The following ABHD18 variants were observed in gnomAD, a reference collection of about 807,000 sequenced individuals.
The protein encoded by ABHD18 is cardiolipin-specific deacylase, mitochondrial.
Under a neutral mutation model 65.9 loss-of-function variants are expected in ABHD18, and 55 were observed. The observed-to-expected ratio is 0.84, with a 90% confidence interval of 0.67 to 1.05. ABHD18 has a LOEUF of 1.05. Among genes scored for constraint, ABHD18 ranks in the 50% least tolerant of loss-of-function variants. The pLI is 0.00. For missense variants in ABHD18, 533 were observed against 558.5 expected (o/e 0.95, Z 0.46); for synonymous variants, 181 against 180.2 (o/e 1.00, Z -0.04).
chr4:127,977,746 GCAGGA>G (rs1309069244), intron 1 of ABHD18, among the ~76,000 whole-genome samples: 145 of 152,030 alleles, frequency 9.5e-4, no homozygotes, highest in Non-Finnish European at 2.4e-4. Context: ...TACAAAACTT[GCAGGA>G]CAGAAGAAAC....
intron 3 of ABHD18, among the ~76,000 whole-genome samples, chr4:127,987,715 A>AAT (rs1750220565): frequency 2.0e-5 from 3 of 151,772 alleles, no homozygotes; most frequent in African/African-American, 4.8e-5. Flanking sequence ...TCAAAAAAAA[A>AAT]AAATAAATAA....
rs1350562263 is a variant in ABHD18 at position 128,039,340 on chromosome 4, C to A, written c.*3527C>A. On this transcript the variant is annotated 3_prime_UTR_variant, in exon 13 of 13. Coordinates refer to ENST00000645843, the MANE Select transcript of ABHD18 (RefSeq NM_001358451.3). Reference sequence around the variant, plus strand: ...ATTTTATTAGATGTACATAATGTTTCAAAAATGTTTGAATTTGAAAAGTCT... The same window carrying A: ...ATTTTATTAGATGTACATAATGTTTAAAAAATGTTTGAATTTGAAAAGTCT... 6.6e-6 allele frequency: 1 copy of A among 151,756 alleles called. No homozygotes were observed. The highest frequency in any genetic ancestry group is 1.5e-5 in the Non-Finnish European group (1 of 67,966). The allele number at this position is 151,756 out of a possible 1,614,324, so 9.4% of individuals were successfully genotyped here.
intron 1 of ABHD18, among the ~76,000 whole-genome samples, chr4:127,981,901 T>C (rs1475637434): frequency 6.6e-6 from 1 of 152,180 alleles, no homozygotes; most frequent in Non-Finnish European, 1.5e-5. Flanking sequence ...TAAATGTTTC[T>C]TCTTGGTACT....
intron 4 of ABHD18, among the ~76,000 whole-genome samples, chr4:127,994,428 T>C (rs1751414770): frequency 6.6e-6 from 1 of 152,026 alleles, no homozygotes; most frequent in Non-Finnish European, 1.5e-5. Flanking sequence ...AAATCCTATC[T>C]CTACAAAAAT....
At position 127,982,948 on chromosome 4, in the gene ABHD18, T is replaced by C; in HGVS notation, c.-8T>C. 6.6e-7 allele frequency: 1 copy of C among 1,520,016 alleles called. No individual in the cohort carries two copies. Among genetic ancestry groups the C allele is most frequent in the Non-Finnish European group, 8.8e-7 (1 of 1,133,690 alleles). 94.2% of individuals were successfully genotyped at this position (1,520,016 alleles called of 1,614,324 possible). On this transcript the variant is annotated 5_prime_UTR_variant, in exon 2 of 13. Coordinates refer to ENST00000645843, the MANE Select transcript of ABHD18 (RefSeq NM_001358451.3). Reference sequence around the variant, plus strand: ...AAATTTTGTTTTATAGATGCTTGTTTGCTACTGATGGGTGTGAGCAAGTTA... The same window carrying C: ...AAATTTTGTTTTATAGATGCTTGTTCGCTACTGATGGGTGTGAGCAAGTTA...
In ABHD18 at chr4:128,011,565, G is replaced by T. The variant is rs1754584847; in HGVS notation, c.443-108G>T. On this transcript the variant is annotated intron_variant, in intron 6 of 12. Coordinates refer to ENST00000645843, the MANE Select transcript of ABHD18 (RefSeq NM_001358451.3). ...ACAGCCTACTTAAGATAATTAGAATGGAGTTATTTCAGTATTAAATTGTGT... is the reference window on the plus strand; with the variant it reads ...ACAGCCTACTTAAGATAATTAGAATTGAGTTATTTCAGTATTAAATTGTGT... The T allele has an allele frequency of 6.0e-6, 4 of 670,366 alleles. No individual in the cohort carries two copies. In the South Asian group the frequency reaches 9.4e-5, roughly 16 times the overall value. The allele number at this position is 670,366 out of a possible 1,614,324, so 41.5% of individuals were successfully genotyped here.
rs182011327 is a variant in ABHD18 at position 128,033,778 on chromosome 4, C to T, written c.1344-1984C>T. ...GTCTCGATCTCCTGACCTCGTGATCCGCCTGTCTCGGCCTCCCAAAGTTCT... is the reference window on the plus strand; with the variant it reads ...GTCTCGATCTCCTGACCTCGTGATCTGCCTGTCTCGGCCTCCCAAAGTTCT... On this transcript the variant is annotated intron_variant, in intron 12 of 12. Coordinates refer to ENST00000645843, the MANE Select transcript of ABHD18 (RefSeq NM_001358451.3). 1.7e-3 allele frequency among the ~76,000 whole-genome samples: 255 copies of T among 151,668 alleles called. 2 individuals are homozygous for T. The highest frequency in any genetic ancestry group is 5.8e-3 in the African/African-American group (238 of 41,376).
chr4:127,989,389 T>C lies in ABHD18; in HGVS notation c.178-332T>C, dbSNP rs1053749398. The stretch of plus-strand genomic sequence containing the variant: ...ATAATAGAGTCACTATAATTAACAA[T>C]AATTTATTGTATATTTTGAAATAAG... On this transcript the variant is annotated intron_variant, in intron 3 of 12. Coordinates refer to ENST00000645843, the MANE Select transcript of ABHD18 (RefSeq NM_001358451.3). Among the ~76,000 whole-genome samples the C allele has an allele frequency of 3.3e-5, 5 of 152,284 alleles. No homozygotes were observed. In the East Asian group the frequency reaches 9.6e-4, roughly 29 times the overall value.
intron 10 of ABHD18, 126 bp from the exon 11 acceptor site, chr4:128,028,349 A>G: frequency 1.4e-6 from 1 of 707,686 alleles, no homozygotes; most frequent in South Asian, 2.8e-5. Flanking sequence ...AATTGTTTGA[A>G]TATACTACAT....
Position 128,038,859 on chromosome 4 carries a change from G to A in ABHD18, c.*3046G>A, listed in dbSNP as rs927482150. Reference sequence around the variant, plus strand: ...CGGGAGACGGAGGTTGCAGTAAGCCGAGATTGTGCCATTGCACTCCAGCCT... The same window carrying A: ...CGGGAGACGGAGGTTGCAGTAAGCCAAGATTGTGCCATTGCACTCCAGCCT... On this transcript the variant is annotated 3_prime_UTR_variant, in exon 13 of 13. Coordinates refer to ENST00000645843, the MANE Select transcript of ABHD18 (RefSeq NM_001358451.3). 54 of 152,224 alleles carry A rather than the reference G, an allele frequency of 3.5e-4. No homozygotes were observed. Among genetic ancestry groups the A allele is most frequent in the Non-Finnish European group, 6.9e-4 (47 of 68,054 alleles). 9.4% of individuals were successfully genotyped at this position (152,224 alleles called of 1,614,324 possible).
intron 9 of ABHD18, 74 bp downstream of exon 9, chr4:128,020,243 C>A: frequency 9.6e-7 from 1 of 1,042,010 alleles, no homozygotes. Flanking sequence ...TCCCCAAAAC[C>A]ACCCTCAGCT....
At chr4:128,014,986 A>C (rs1755234426) in intron 7 of ABHD18, among the ~76,000 whole-genome samples, 1 of 151,930 alleles carries the variant, frequency 6.6e-6, no homozygotes, top group Non-Finnish European at 1.5e-5. Flanking sequence ...CTGAGGCAGG[A>C]GAATCGCTTG....
At chr4:128,033,959 C>CTTTTT (rs996416880) in intron 12 of ABHD18, among the ~76,000 whole-genome samples, 2 of 123,436 alleles carry the variant, frequency 1.6e-5, no homozygotes, top group African/African-American at 3.0e-5. Context: ...TTTCTTTTTT[C>CTTTTT]TTTTTTTTTT....
intron 11 of ABHD18, 29 bp from the exon 12 acceptor site, chr4:128,030,481 T>A (rs1365951613): frequency 6.9e-7 from 1 of 1,448,054 alleles, no homozygotes; most frequent in Non-Finnish European, 9.1e-7. Flanking sequence ...AATGTGTATA[T>A]GTTGAATTTT....
intron 9 of ABHD18, 38 bp from the exon 10 acceptor site, chr4:128,021,099 A>C: frequency 3.8e-6 from 5 of 1,302,398 alleles, no homozygotes; most frequent in Non-Finnish European, 5.4e-6. Context: ...AAATTGCCTT[A>C]TGATGTGGTT....
At chr4:127,993,254 CAT>C (rs1451873538) in intron 4 of ABHD18, among the ~76,000 whole-genome samples, 5 of 152,044 alleles carry the variant, frequency 3.3e-5, no homozygotes. Flanking sequence ...AGCTATAAAA[CAT>C]AAAGAAAGGA....
chr4:127,999,176 A>G (rs918418724), intron 4 of ABHD18, among the ~76,000 whole-genome samples: 7 of 152,000 alleles, frequency 4.6e-5, no homozygotes, highest in Admixed American at 3.9e-4. Context: ...CCCAGCTACT[A>G]AGGGGGCTGA....
intron 11 of ABHD18, 122 bp from the exon 12 acceptor site, chr4:128,030,383 CATATT>C: frequency 3.5e-6 from 2 of 576,200 alleles, no homozygotes; most frequent in Non-Finnish European, 2.8e-6. Flanking sequence ...AGTAAGGTAG[CATATT>C]ATAGTTGATT....
chr4:128,001,589 T>C (rs72618813), intron 4 of ABHD18: 35,545 of 864,046 alleles, frequency 0.041, 2,706 homozygotes, highest in East Asian at 0.3. Context: ...CTGAGTTATT[T>C]ATATGTAAAG....
Sources: gnomAD v4.1 joint callset for allele counts (sites outside exome capture counted in the v4.1 genomes callset) on GRCh38, gnomAD v4.1.1 for gene constraint, MANE v1.5 for transcripts, NCBI Gene and HGNC (gene_info 2026-07-23, HGNC 2026-07-21) for gene names.